Variants in CHAT observed in about 807,000 individuals in gnomAD.
CHAT encodes the protein acetyl CoA:choline O-acetyltransferase.
A neutral mutation model predicts 76.9 loss-of-function variants in CHAT; 61 were observed. The observed-to-expected ratio is 0.79, with a 90% confidence interval of 0.65 to 0.98. The LOEUF is 0.98. Ranked by LOEUF, CHAT falls within the 50% of genes least tolerant of loss-of-function variation. CHAT has a pLI of 0.00. For synonymous variants in CHAT, 407 were observed against 397.4 expected (o/e 1.02, Z -0.29); for missense variants, 946 against 986.9 (o/e 0.96, Z 0.56).
At chr10:49,642,804 G>A (rs1839529212) in intron 7 of CHAT, among the ~76,000 whole-genome samples, 2 of 152,228 alleles carry the variant, frequency 1.3e-5, no homozygotes, top group Admixed American at 1.3e-4. Context: ...CAGGAATGAG[G>A]TGTACAGCAT....
At chr10:49,637,881 T>C (rs1839348038) in intron 7 of CHAT, among the ~76,000 whole-genome samples, 1 of 152,252 alleles carries the variant, frequency 6.6e-6, no homozygotes, top group Admixed American at 6.5e-5. Context: ...TTTAATTCTT[T>C]TCAATTTGTT....
chr10:49,660,178 C>T (rs755699943), intron 13 of CHAT, among the ~76,000 whole-genome samples: 35 of 152,048 alleles, frequency 2.3e-4, no homozygotes, highest in African/African-American at 6.7e-4. Context: ...CAGTGGCTCA[C>T]GCCTGTAATC....
upstream of CHAT, chr10:49,611,274 G>C (rs749642076): frequency 6.2e-7 from 1 of 1,611,404 alleles, no homozygotes; most frequent in Non-Finnish European, 8.5e-7. Flanking sequence ...ACGCCACGCT[G>C]TTCGCGGCGC....
At chr10:49,641,754 G>A (rs1424269562) in intron 7 of CHAT, among the ~76,000 whole-genome samples, 1 of 152,178 alleles carries the variant, frequency 6.6e-6, no homozygotes, top group African/African-American at 2.4e-5. Context: ...TGTGAGAAGG[G>A]GGATGGGCAT....
In CHAT at chr10:49,648,526, G is replaced by C. The variant is rs1273018939; in HGVS notation, c.1301G>C (p.Gly434Ala). The change falls in exon 9 of 15, where the codon GGC (glycine) becomes GCC (alanine). Residue 434 changes from glycine (G) to alanine (A), a missense_variant. Gly to Ala is a moderately conservative substitution (Grantham distance 60). Transcript: ENST00000337653. ...TTGCAGTTTGTGGTGGGCCGAGACG[G>C]CACCTGCGGTGTGGTGTGCGAACAC... ...KSLQFVVGRD[G>A]TCGVVCEHSP... 6.2e-7 allele frequency: 1 copy of C among 1,613,766 alleles called. No individual in the cohort carries two copies. The highest frequency in any genetic ancestry group is 1.3e-5 in the African/African-American group (1 of 74,920).
intron 7 of CHAT, among the ~76,000 whole-genome samples, chr10:49,638,298 T>C (rs1839361374): frequency 1.3e-5 from 2 of 152,190 alleles, no homozygotes; most frequent in Non-Finnish European, 2.9e-5. Flanking sequence ...ATATTTTTCC[T>C]TCCTTTTACT....
At chr10:49,635,731 A>T (rs1464402352) in intron 7 of CHAT, among the ~76,000 whole-genome samples, 1 of 152,242 alleles carries the variant, frequency 6.6e-6, no homozygotes, top group African/African-American at 2.4e-5. Context: ...TTCAACAACC[A>T]TTCATGATAA....
At chr10:49,623,272 C>A (rs1358440322) in intron 5 of CHAT, among the ~76,000 whole-genome samples, 4 of 147,744 alleles carry the variant, frequency 2.7e-5, no homozygotes, top group South Asian at 4.2e-4. Context: ...TCACTGACTG[C>A]CCCCACGAGA....
At chr10:49,626,121 A>T (rs1334005034) in intron 6 of CHAT, among the ~76,000 whole-genome samples, 1 of 152,188 alleles carries the variant, frequency 6.6e-6, no homozygotes, top group Non-Finnish European at 1.5e-5. Context: ...TCTGTGTGAC[A>T]GTTGAGGACA....
chr10:49,649,568 G>C lies in CHAT; in HGVS notation c.1443G>C (p.Arg481=), dbSNP rs748314389. The part of the protein sequence containing the change: ...ADSVSELPAP[R]RLRWKCSPEI... ...CCGTCAGCGAGCTCCCCGCCCCCCG[G>C]AGGCTGCGGTGGAAATGCTCCCCGG... Residue 481 remains arginine (R), a synonymous_variant, in exon 10 of 15, where the codon CGG becomes CGC. Coordinates refer to ENST00000337653, the MANE Select transcript of CHAT (RefSeq NM_020549.5). 1 of 1,613,894 alleles carries C rather than the reference G, an allele frequency of 6.2e-7. No homozygotes were observed. Among genetic ancestry groups the C allele is most frequent in the Non-Finnish European group, 8.5e-7 (1 of 1,180,044 alleles).
upstream of CHAT, chr10:49,611,849 G>T (rs776627836): frequency 2.5e-6 from 4 of 1,605,364 alleles, no homozygotes; most frequent in Non-Finnish European, 3.4e-6. Context: ...ATCGGCGCCA[G>T]CTCGTGCATC....
chr10:49,659,278 A>G (rs936826071), intron 13 of CHAT, among the ~76,000 whole-genome samples: 3 of 152,264 alleles, frequency 2.0e-5, no homozygotes, highest in Non-Finnish European at 2.9e-5. Flanking sequence ...ATATTTTTAG[A>G]CAGAGAAAGT....
Position 49,651,915 on chromosome 10 carries a change from A to T in CHAT, c.1543A>T (p.Lys515Ter). The change falls in exon 11 of 15, where the codon AAG (lysine) becomes TAG (stop). Residue 515 changes from lysine (K) to a stop codon, truncating the protein, a stop_gained. Coordinates refer to ENST00000337653, the MANE Select transcript of CHAT (RefSeq NM_020549.5). LOFTEE classifies it high-confidence loss of function. Reference protein sequence around the residue: ...IVKNLDFIVYKFDNYGKTFIK... With the variant: ...IVKNLDFIVY The stretch of plus-strand genomic sequence containing the variant: ...AAAGAACCTTGACTTCATTGTCTAT[A>T]AGTTTGACAACTATGGGAAAACATT... The T allele has an allele frequency of 6.2e-7, 1 of 1,614,048 alleles. No homozygotes were observed. The highest frequency in any genetic ancestry group is 8.5e-7 in the Non-Finnish European group (1 of 1,179,884).
intron 7 of CHAT, among the ~76,000 whole-genome samples, chr10:49,644,918 C>T (rs1223534164): frequency 6.6e-6 from 1 of 152,126 alleles, no homozygotes; most frequent in East Asian, 1.9e-4. Context: ...TCCACATGCC[C>T]AAGGAAGGCA....
intron 8 of CHAT, chr10:49,646,979 C>CGA: frequency 2.1e-6 from 1 of 469,610 alleles, no homozygotes; most frequent in Non-Finnish European, 3.9e-6. Context: ...AGACCTGGGG[C>CGA]CCATTTCCCA....
At chr10:49,647,000 C>T in intron 8 of CHAT, 1 of 436,208 alleles carries the variant, frequency 2.3e-6, no homozygotes. Context: ...TCACCCATCA[C>T]ACCTGTGAGG....
Position 49,665,099 on chromosome 10 carries a change from C to G in CHAT, c.*53C>G. ...ACCCAGCCTCTAGAACAGCCAGACC[C>G]TGCAGATCCCCACTCCCGTCCCTTA... On this transcript the variant is annotated 3_prime_UTR_variant, in exon 15 of 15. Coordinates refer to ENST00000337653, the MANE Select transcript of CHAT (RefSeq NM_020549.5). The G allele has an allele frequency of 6.3e-7, 1 of 1,599,486 alleles. No individual in the cohort carries two copies. The highest frequency in any genetic ancestry group is 2.2e-5 in the East Asian group (1 of 44,818).
chr10:49,623,650 T>C (rs1027820857), intron 5 of CHAT, among the ~76,000 whole-genome samples: 5 of 152,150 alleles, frequency 3.3e-5, no homozygotes, highest in Non-Finnish European at 7.3e-5. Flanking sequence ...CTCTCAGTCA[T>C]TACAAATGAG....
In CHAT at chr10:49,615,966, G is replaced by A; in HGVS notation, c.287-536G>A. The A allele has an allele frequency of 2.1e-6, 3 of 1,445,064 alleles. No individual in the cohort carries two copies. In the South Asian group the frequency reaches 3.4e-5, roughly 17 times the overall value. 89.5% of individuals were successfully genotyped at this position (1,445,064 alleles called of 1,614,324 possible). A position where few individuals can be genotyped will look rare whatever the true frequency, so the allele number is the denominator to read the frequency against. On this transcript the variant is annotated intron_variant, in intron 1 of 14. Coordinates refer to ENST00000337653, the MANE Select transcript of CHAT (RefSeq NM_020549.5). ...TAGCCCAGATGCATCCTGGAGCACA[G>A]GGCCTTAAAGGCCTCCATTCACCCA...
Sources: allele counts gnomAD v4.1 joint callset (sites outside exome capture counted in the v4.1 genomes callset), GRCh38; gene constraint gnomAD v4.1.1; transcripts MANE v1.5; gene names NCBI Gene and HGNC (gene_info 2026-07-23, HGNC 2026-07-21).